Variants in KCNK10 observed in about 807,000 individuals in gnomAD.
The protein encoded by KCNK10 is potassium two pore domain channel subfamily K member 10.
Under a neutral mutation model 47.7 loss-of-function variants are expected in KCNK10, and 25 were observed. The ratio of observed to expected loss-of-function variants is 0.52; its 90% CI spans 0.38 to 0.73. KCNK10 has a LOEUF of 0.73. Ranked by LOEUF, KCNK10 falls within the 30% of genes least tolerant of loss-of-function variation. The probability of loss-of-function intolerance (pLI) is 0.00; values close to 1 mark genes in which losing one functional copy is unlikely to be tolerated. For missense variants in KCNK10, 563 were observed against 714.5 expected (o/e 0.79, Z 2.42); for synonymous variants, 303 against 285.6 (o/e 1.06, Z -0.61).
chr14:88,305,164 A>G (rs1351814640), intron 1 of KCNK10, among the ~76,000 whole-genome samples: 4 of 151,760 alleles, frequency 2.6e-5, no homozygotes. Flanking sequence ...GCGCCACTGC[A>G]CTCCCACCTG....
At chr14:88,221,874 C>T (rs970599206) in intron 4 of KCNK10, among the ~76,000 whole-genome samples, 1 of 152,108 alleles carries the variant, frequency 6.6e-6, no homozygotes, top group Non-Finnish European at 1.5e-5. Flanking sequence ...CACCACCCAG[C>T]AGAAATGGAC....
At chr14:88,235,184 G>A (rs74920511) in intron 3 of KCNK10, 10,376 of 456,612 alleles carry the variant, frequency 0.023, 432 homozygotes, top group African/African-American at 0.12. Context: ...AGGATGTGCT[G>A]TCTGGAAGGT....
intron 2 of KCNK10, among the ~76,000 whole-genome samples, chr14:88,250,854 C>T (rs1362705399): frequency 1.3e-5 from 2 of 151,952 alleles, no homozygotes; most frequent in African/African-American, 4.8e-5. Flanking sequence ...ACAACCAGAC[C>T]AAAAAGAAAA....
intron 4 of KCNK10, among the ~76,000 whole-genome samples, chr14:88,201,251 G>A (rs1168707921): frequency 6.6e-6 from 1 of 152,206 alleles, no homozygotes; most frequent in Non-Finnish European, 1.5e-5. Context: ...CCAATTGTGT[G>A]TTGTGGACAA....
At chr14:88,236,141 C>A (rs960322184) in intron 3 of KCNK10, among the ~76,000 whole-genome samples, 3 of 152,106 alleles carry the variant, frequency 2.0e-5, no homozygotes, top group African/African-American at 4.8e-5. Flanking sequence ...CACAGCAAGA[C>A]CTGGCTTCTA....
intron 4 of KCNK10, among the ~76,000 whole-genome samples, chr14:88,196,729 T>G (rs941374550): frequency 6.6e-6 from 1 of 152,174 alleles, no homozygotes; most frequent in African/African-American, 2.4e-5. Context: ...CTTGGTTTGG[T>G]TTGTTGAAAT....
intron 4 of KCNK10, among the ~76,000 whole-genome samples, chr14:88,225,705 A>G (rs778498791): frequency 2.6e-5 from 4 of 152,250 alleles, no homozygotes; most frequent in Non-Finnish European, 4.4e-5. Context: ...ATGCCAGATC[A>G]GTCATTTCCC....
chr14:88,305,336 A>T (rs1360299389), intron 1 of KCNK10, among the ~76,000 whole-genome samples: 1 of 152,190 alleles, frequency 6.6e-6, no homozygotes, highest in Non-Finnish European at 1.5e-5. Flanking sequence ...AAACACAAGA[A>T]TTACCATAAA....
chr14:88,304,536 G>A (rs1328778063), intron 1 of KCNK10, among the ~76,000 whole-genome samples: 2 of 152,172 alleles, frequency 1.3e-5, no homozygotes, highest in East Asian at 1.9e-4. Context: ...TGAGTCACCC[G>A]ATGCACATGT....
chr14:88,211,881 C>A (rs1885467399), intron 4 of KCNK10, among the ~76,000 whole-genome samples: 1 of 134,524 alleles, frequency 7.4e-6, no homozygotes, highest in African/African-American at 2.8e-5. Context: ...GGCAACAGAG[C>A]TAGACTTCAT....
Position 88,233,889 on chromosome 14 carries a change from T to A in KCNK10, c.521-6354A>T, listed in dbSNP as rs1257394809. 2.0e-5 allele frequency among the ~76,000 whole-genome samples: 3 copies of A among 152,092 alleles called. No homozygotes were observed. In the East Asian group the frequency reaches 5.8e-4, roughly 29 times the overall value. On this transcript the variant is annotated intron_variant, in intron 3 of 6. Coordinates refer to ENST00000319231, the MANE Select transcript of KCNK10 (RefSeq NM_138317.3). ...TGTCATGAAACAAGAAAATTAGGAGTTTCCTTCAATATACACACTAATGTC... is the reference window on the plus strand; with the variant it reads ...TGTCATGAAACAAGAAAATTAGGAGATTCCTTCAATATACACACTAATGTC...
intron 4 of KCNK10, among the ~76,000 whole-genome samples, chr14:88,222,065 C>T (rs1281073952): frequency 6.6e-6 from 1 of 152,160 alleles, no homozygotes; most frequent in Non-Finnish European, 1.5e-5. Flanking sequence ...CTTACAGTTC[C>T]ACATGGCTGG....
rs573484620 is a variant in KCNK10 at position 88,215,764 on chromosome 14, GAC to G, written c.681+11609_681+11610del. On this transcript the variant is annotated intron_variant, in intron 4 of 6. Transcript: ENST00000319231. ...GAAAAGAGAGAGAGAGAGACAGAGAGACAGAGAGAGACTCTGTTAAAGCTACC... is the reference window on the plus strand; with the variant it reads ...GAAAAGAGAGAGAGAGAGACAGAGAGAGAGAGAGACTCTGTTAAAGCTACC... Among the ~76,000 whole-genome samples the G allele has an allele frequency of 1.8e-4, 27 of 152,284 alleles. No individual in the cohort carries two copies. In the South Asian group the frequency reaches 5.2e-3, roughly 29 times the overall value.
chr14:88,255,531 CA>C (rs33933825), intron 2 of KCNK10, among the ~76,000 whole-genome samples: 2,683 of 139,962 alleles, frequency 0.019, 69 homozygotes, highest in African/African-American at 0.063. Flanking sequence ...CTGTCTCTAC[CA>C]AAAAAAAAAA....
intron 1 of KCNK10, among the ~76,000 whole-genome samples, chr14:88,321,426 C>T (rs1453966721): frequency 6.6e-6 from 1 of 152,224 alleles, no homozygotes; most frequent in East Asian, 1.9e-4. Flanking sequence ...GTCTCCCTCA[C>T]TGTAAACTCC....
At chr14:88,268,284 G>A (rs1004882020) in intron 1 of KCNK10, among the ~76,000 whole-genome samples, 6 of 152,190 alleles carry the variant, frequency 3.9e-5, no homozygotes, top group African/African-American at 1.2e-4. Flanking sequence ...ACACTGGCTG[G>A]GAGCAGCCCG....
intron 4 of KCNK10, among the ~76,000 whole-genome samples, chr14:88,195,596 A>G (rs1231122880): frequency 6.6e-6 from 1 of 152,118 alleles, no homozygotes; most frequent in African/African-American, 2.4e-5. Flanking sequence ...AAATGTCCTC[A>G]TTCTCCTTTG....
intron 3 of KCNK10, among the ~76,000 whole-genome samples, chr14:88,233,840 G>C (rs1886220420): frequency 6.6e-6 from 1 of 152,160 alleles, no homozygotes; most frequent in East Asian, 1.9e-4. Context: ...TTTCAATGCA[G>C]CAGACAGATC....
At chr14:88,238,216 G>A (rs1440259415) in intron 3 of KCNK10, among the ~76,000 whole-genome samples, 1 of 152,212 alleles carries the variant, frequency 6.6e-6, no homozygotes, top group African/African-American at 2.4e-5. Context: ...ACTGAAAAGA[G>A]CCCGCTTGCT....
Sources: gnomAD v4.1 joint callset for allele counts (sites outside exome capture counted in the v4.1 genomes callset) on GRCh38, gnomAD v4.1.1 for gene constraint, MANE v1.5 for transcripts, NCBI Gene and HGNC (gene_info 2026-07-23, HGNC 2026-07-21) for gene names.